The following FRMD4A variants were observed in gnomAD, a reference collection of about 807,000 sequenced individuals.
FRMD4A encodes FERM domain-containing protein 4A.
A neutral mutation model predicts 129.1 loss-of-function variants in FRMD4A; 29 were observed. That is an observed-to-expected ratio of 0.22 (90% CI 0.17 to 0.31). FRMD4A has a LOEUF of 0.31. FRMD4A is among the 10% of genes least tolerant of loss of function. The pLI is 1.00. For missense variants in FRMD4A, 1,272 were observed against 1,375.8 expected, an observed-to-expected ratio of 0.92 and a Z score of 1.19; for synonymous variants, 634 against 571.6, an observed-to-expected ratio of 1.11 and a Z score of -1.56.
intron 14 of FRMD4A, among the ~76,000 whole-genome samples, chr10:13,700,348 T>C (rs2086683673): frequency 6.6e-6 from 1 of 152,082 alleles, no homozygotes; most frequent in Non-Finnish European, 1.5e-5. Context: ...ATGGATAAGA[T>C]GGCAAAAGAG....
intron 2 of FRMD4A, among the ~76,000 whole-genome samples, chr10:14,027,378 C>T (rs529027278): frequency 3.2e-4 from 49 of 152,260 alleles, no homozygotes; most frequent in Non-Finnish European, 5.7e-4. Context: ...TGGTGGCTCA[C>T]GCCTATAATC....
At chr10:13,872,896 G>C (rs2094452650) in intron 2 of FRMD4A, among the ~76,000 whole-genome samples, 2 of 152,126 alleles carry the variant, frequency 1.3e-5, no homozygotes, top group Admixed American at 1.3e-4. Context: ...GAAAAGGATA[G>C]TTAGATGGAG....
At chr10:14,087,913 TGTTG>T (rs1836389516) in intron 2 of FRMD4A, among the ~76,000 whole-genome samples, 1 of 152,170 alleles carries the variant, frequency 6.6e-6, no homozygotes, top group African/African-American at 2.4e-5. Flanking sequence ...TGAAGGGTCA[TGTTG>T]CAGCGGCTTC....
At chr10:14,285,962 C>T (rs897496206) in intron 2 of FRMD4A, among the ~76,000 whole-genome samples, 1 of 152,126 alleles carries the variant, frequency 6.6e-6, no homozygotes, top group Admixed American at 6.6e-5. Context: ...CGCAAGATGG[C>T]GGATCCAAAA....
At chr10:13,744,323 C>A (rs1039509875) in intron 9 of FRMD4A, among the ~76,000 whole-genome samples, 6 of 152,174 alleles carry the variant, frequency 3.9e-5, no homozygotes, top group Admixed American at 2.0e-4. Flanking sequence ...GCACATCATT[C>A]TAACTTTCTG....
intron 2 of FRMD4A, among the ~76,000 whole-genome samples, chr10:14,094,567 G>GC (rs1289990449): frequency 6.6e-6 from 1 of 152,188 alleles, no homozygotes; most frequent in East Asian, 1.9e-4. Context: ...ACAGAAAACT[G>GC]CAAGAGAGAG....
intron 2 of FRMD4A, among the ~76,000 whole-genome samples, chr10:14,164,582 C>T (rs1841076084): frequency 6.6e-6 from 1 of 152,158 alleles, no homozygotes; most frequent in Non-Finnish European, 1.5e-5. Context: ...TCTTCTCCTC[C>T]CTAGTCTTCA....
At chr10:13,721,380 G>T (rs1380159512) in intron 12 of FRMD4A, among the ~76,000 whole-genome samples, 1 of 152,164 alleles carries the variant, frequency 6.6e-6, no homozygotes, top group Non-Finnish European at 1.5e-5. Flanking sequence ...TACTCAGGAG[G>T]CTGAGGGAGG....
At chr10:13,789,149 A>C (rs758803649) in intron 5 of FRMD4A, among the ~76,000 whole-genome samples, 2 of 152,210 alleles carry the variant, frequency 1.3e-5, no homozygotes, top group Admixed American at 1.3e-4. Flanking sequence ...GATGCTTAGA[A>C]TCTCAATGCC....
At chr10:13,656,424 G>A (rs1160613368) in intron 22 of FRMD4A, among the ~76,000 whole-genome samples, 1 of 152,162 alleles carries the variant, frequency 6.6e-6, no homozygotes, top group Non-Finnish European at 1.5e-5. Flanking sequence ...CACGGTTATG[G>A]TGCAAGATTA....
intron 3 of FRMD4A, among the ~76,000 whole-genome samples, chr10:13,812,701 C>G (rs1359253838): frequency 6.6e-6 from 1 of 152,158 alleles, no homozygotes. Flanking sequence ...GCCTAGATGA[C>G]CATCAATTCA....
chr10:13,744,260 G>A (rs992925968), intron 9 of FRMD4A, among the ~76,000 whole-genome samples: 11 of 152,052 alleles, frequency 7.2e-5, no homozygotes, highest in Non-Finnish European at 1.3e-4. Flanking sequence ...AACTAGGCCC[G>A]CGAGGCAGAA....
chr10:13,707,990 T>A, intron 12 of FRMD4A: 2 of 615,914 alleles, frequency 3.2e-6, no homozygotes, highest in Non-Finnish European at 4.1e-6. Context: ...AAAGTTACTT[T>A]AACCCTCTGG....
chr10:13,996,978 A>G (rs1457407072), intron 2 of FRMD4A, among the ~76,000 whole-genome samples: 5 of 147,642 alleles, frequency 3.4e-5, no homozygotes, highest in African/African-American at 1.2e-4. Flanking sequence ...CCATTGAAAA[A>G]AATTGAGGCA....
chr10:13,896,658 A>G (rs1397094708), intron 2 of FRMD4A, among the ~76,000 whole-genome samples: 1 of 152,150 alleles, frequency 6.6e-6, no homozygotes, highest in Non-Finnish European at 1.5e-5. Flanking sequence ...CAAGTTCTGC[A>G]CATGTGTCCC....
intron 2 of FRMD4A, among the ~76,000 whole-genome samples, chr10:14,082,425 T>C (rs1835981217): frequency 6.6e-6 from 1 of 151,938 alleles, no homozygotes; most frequent in South Asian, 2.1e-4. Context: ...TTCCTAGGAG[T>C]AGCTAGACGT....
intron 13 of FRMD4A, among the ~76,000 whole-genome samples, chr10:13,702,554 G>A (rs962880276): frequency 1.3e-5 from 2 of 152,058 alleles, no homozygotes; most frequent in African/African-American, 4.8e-5. Flanking sequence ...GTGTGTGTGT[G>A]TGTGTGTGTG....
intron 2 of FRMD4A, among the ~76,000 whole-genome samples, chr10:13,894,696 C>T (rs573451513): frequency 1.3e-5 from 2 of 152,340 alleles, no homozygotes; most frequent in Admixed American, 6.5e-5. Context: ...GGCTCCTGGT[C>T]GTCTTTCAGG....
chr10:14,062,758 C>T (rs1371251428), intron 2 of FRMD4A, among the ~76,000 whole-genome samples: 2 of 152,188 alleles, frequency 1.3e-5, no homozygotes, highest in Non-Finnish European at 2.9e-5. Flanking sequence ...TCAAGTGCCA[C>T]TGATTCATCA....
Sources: allele counts gnomAD v4.1 joint callset (sites outside exome capture counted in the v4.1 genomes callset), GRCh38; gene constraint gnomAD v4.1.1; transcripts MANE v1.5; gene names NCBI Gene and HGNC (gene_info 2026-07-23, HGNC 2026-07-21).